STAB2: variants seen among roughly 807,000 people sequenced by gnomAD.
The protein encoded by STAB2 is stabilin 2, also known as stabilin-2.
In STAB2, 288 loss-of-function variants were observed where a neutral mutation model predicts 338.1. The ratio of observed to expected loss-of-function variants is 0.85; its 90% CI spans 0.77 to 0.94. The LOEUF is 0.94. Ranked by LOEUF, STAB2 falls within the 40% of genes least tolerant of loss-of-function variation. The probability of loss-of-function intolerance (pLI) is 0.00; values close to 1 mark genes in which losing one functional copy is unlikely to be tolerated. For missense variants in STAB2, 3,141 were observed against 3,210.1 expected (o/e 0.98, Z 0.52); for synonymous variants, 1,202 against 1,193.3 (o/e 1.01, Z -0.15).
At chr12:103,648,273 C>T (rs1449339597) in intron 9 of STAB2, among the ~76,000 whole-genome samples, 5 of 152,148 alleles carry the variant, frequency 3.3e-5, no homozygotes, top group Non-Finnish European at 7.3e-5. Context: ...GGGAAGCATT[C>T]TAAGTAGATC....
At chr12:103,701,773 T>G (rs1878891453) in intron 34 of STAB2, among the ~76,000 whole-genome samples, 1 of 152,082 alleles carries the variant, frequency 6.6e-6, no homozygotes, top group Admixed American at 6.6e-5. Context: ...GCCAGACTTA[T>G]CCCAACATCC....
At chr12:103,682,591 A>G (rs1439308742) in intron 25 of STAB2, among the ~76,000 whole-genome samples, 2 of 137,942 alleles carry the variant, frequency 1.4e-5, no homozygotes, top group Admixed American at 1.4e-4. Context: ...GGGCCATCCA[A>G]TATGATGCTT....
At chr12:103,716,875 T>C (rs1880358893) in intron 43 of STAB2, among the ~76,000 whole-genome samples, 1 of 152,138 alleles carries the variant, frequency 6.6e-6, no homozygotes, top group Non-Finnish European at 1.5e-5. Flanking sequence ...AGTTGAACTT[T>C]GAGAACAAGA....
chr12:103,682,598 GC>G (rs1877018433), intron 25 of STAB2, among the ~76,000 whole-genome samples: 1 of 130,030 alleles, frequency 7.7e-6, no homozygotes, highest in Admixed American at 7.6e-5. Flanking sequence ...CCAATATGAT[GC>G]TTTTTAGGGC....
At chr12:103,661,854 G>T (rs938754803) in intron 17 of STAB2, among the ~76,000 whole-genome samples, 18 of 152,164 alleles carry the variant, frequency 1.2e-4, no homozygotes, top group African/African-American at 4.3e-4. Context: ...GCAAAAGGGA[G>T]AAGAGTAGGA....
chr12:103,642,422 A>G (rs1872991293), intron 9 of STAB2, among the ~76,000 whole-genome samples: 1 of 152,242 alleles, frequency 6.6e-6, no homozygotes, highest in South Asian at 2.1e-4. Context: ...AGTGAAGTGT[A>G]GGGACTCTTG....
chr12:103,759,345 C>A, intron 65 of STAB2, 72 bp downstream of exon 65: 1 of 1,565,354 alleles, frequency 6.4e-7, no homozygotes, highest in Non-Finnish European at 8.6e-7. Flanking sequence ...ACAGTAGGTG[C>A]TTAATAGATG....
rs762590131 is a variant in STAB2, at chr12:103,689,943, G to T, written c.3143G>T (p.Ser1048Ile). 3 of 1,614,004 alleles carry T rather than the reference G, an allele frequency of 1.9e-6. No homozygotes were observed. The highest frequency in any genetic ancestry group is 2.5e-6 in the Non-Finnish European group (3 of 1,179,994). Reference protein sequence around the residue: ...ATEDMDQDEKSFWLSQSNIPA... With the variant: ...ATEDMDQDEKIFWLSQSNIPA... ...GAGGACATGGACCAGGATGAGAAAA[G>T]CTTCTGGTTGTCACAGAGCAATATT... The change falls in exon 29 of 69, where the codon AGC (serine) becomes ATC (isoleucine). Residue 1048 changes from serine to isoleucine, a missense_variant. Physicochemically the swap from Ser to Ile is moderately radical, Grantham distance 142. Coordinates refer to ENST00000388887, the MANE Select transcript of STAB2 (RefSeq NM_017564.10).
At chr12:103,627,703 C>A (rs933822312) in intron 5 of STAB2, among the ~76,000 whole-genome samples, 1 of 152,228 alleles carries the variant, frequency 6.6e-6, no homozygotes, top group Non-Finnish European at 1.5e-5. Flanking sequence ...AAGGGAGAGG[C>A]TCATGCCAGG....
chr12:103,600,514 C>T (rs1336555019), intron 3 of STAB2, among the ~76,000 whole-genome samples: 1 of 152,214 alleles, frequency 6.6e-6, no homozygotes, highest in East Asian at 1.9e-4. Flanking sequence ...ACAGAGACTC[C>T]ACCCTGATGG....
intron 5 of STAB2, among the ~76,000 whole-genome samples, chr12:103,627,598 C>T (rs1434448474): frequency 6.6e-6 from 1 of 152,242 alleles, no homozygotes; most frequent in Non-Finnish European, 1.5e-5. Context: ...TTCCTGGCAG[C>T]AGCTGGCAGC....
chr12:103,629,715 T>A (rs1389274021), intron 5 of STAB2, among the ~76,000 whole-genome samples: 1 of 152,202 alleles, frequency 6.6e-6, no homozygotes, highest in Admixed American at 6.5e-5. Context: ...CCAACCCCAC[T>A]TTATCTTTTC....
intron 30 of STAB2, 126 bp downstream of exon 30, chr12:103,690,664 T>A (rs1416159016): frequency 1.4e-6 from 1 of 718,648 alleles, no homozygotes. Context: ...GAATCCCTCA[T>A]GTGGGCATCA....
At chr12:103,648,667 A>T (rs745558037) in intron 9 of STAB2, 23 bp from the exon 10 acceptor site, 2 of 1,610,710 alleles carry the variant, frequency 1.2e-6, no homozygotes, top group Admixed American at 1.7e-5. Flanking sequence ...AACCCTGAGG[A>T]TGTCTTTTCC....
In STAB2 at chr12:103,677,507, T is replaced by C. The variant is rs1469000003; in HGVS notation, c.2701T>C (p.Trp901Arg). The C allele has an allele frequency of 1.9e-6, 3 of 1,614,022 alleles. No individual in the cohort carries two copies. Among genetic ancestry groups the C allele is most frequent in the East Asian group, 4.5e-5 (2 of 44,898 alleles). ...CCACACCTGCGTGTGTCAGCAGGGT[T>C]GGACAGGGAATGGGAGAGACTGCTC... ...GTHTCVCQQGWTGNGRDCSEI... is the reference protein window; with the variant it reads ...GTHTCVCQQGRTGNGRDCSEI... The change falls in exon 25 of 69, where the codon TGG (tryptophan) becomes CGG (arginine). Residue 901 changes from tryptophan to arginine, a missense_variant. Trp to Arg is a moderately radical substitution (Grantham distance 101, BLOSUM62 -3). Transcript: ENST00000388887.
chr12:103,720,566 C>T (rs955484548), intron 44 of STAB2, among the ~76,000 whole-genome samples: 5 of 152,074 alleles, frequency 3.3e-5, no homozygotes, highest in African/African-American at 1.2e-4. Context: ...TAATTCATTC[C>T]AAAAAGCTCT....
At chr12:103,760,701 G>C (rs1173475805) in intron 65 of STAB2, among the ~76,000 whole-genome samples, 1 of 152,218 alleles carries the variant, frequency 6.6e-6, no homozygotes, top group Non-Finnish European at 1.5e-5. Flanking sequence ...GAGACATGCA[G>C]AGAGTAGTGC....
At chr12:103,603,044 C>T (rs974254984) in intron 3 of STAB2, among the ~76,000 whole-genome samples, 3 of 151,976 alleles carry the variant, frequency 2.0e-5, no homozygotes, top group Non-Finnish European at 4.4e-5. Flanking sequence ...ATCATCCATT[C>T]CAAGTTAATT....
chr12:103,708,414 C>T (rs374005869), intron 38 of STAB2, 27 bp from the exon 39 acceptor site: 60 of 1,607,794 alleles, frequency 3.7e-5, no homozygotes, highest in Admixed American at 2.2e-4. Context: ...TAGAATCTGA[C>T]GATTTGCAGG....
Sources: allele counts gnomAD v4.1 joint callset (sites outside exome capture counted in the v4.1 genomes callset), GRCh38; gene constraint gnomAD v4.1.1; transcripts MANE v1.5; gene names NCBI Gene and HGNC (gene_info 2026-07-23, HGNC 2026-07-21).